CHRNA7: variants seen among roughly 807,000 people sequenced by gnomAD.
CHRNA7 encodes neuronal acetylcholine receptor subunit alpha-7.
A neutral mutation model predicts 48.0 loss-of-function variants in CHRNA7; 17 were observed. The ratio of observed to expected loss-of-function variants is 0.35; its 90% CI spans 0.24 to 0.53. The LOEUF (loss-of-function observed/expected upper bound fraction) is 0.53, where lower values mean the gene tolerates loss of function less well. Ranked by LOEUF, CHRNA7 falls within the 20% of genes least tolerant of loss-of-function variation. The pLI is 0.92. For missense variants in CHRNA7, 155 were observed against 577.7 expected (o/e 0.27, Z 7.50); for synonymous variants, 75 against 242.3 (o/e 0.31, Z 6.41).
chr15:32,059,984 T>C (rs948957204), intron 2 of CHRNA7, among the ~76,000 whole-genome samples: 1 of 140,562 alleles, frequency 7.1e-6, no homozygotes, highest in African/African-American at 2.7e-5. Context: ...AGTGTTTTCA[T>C]GTATGCAAGG....
intron 2 of CHRNA7, among the ~76,000 whole-genome samples, chr15:32,085,503 G>C (rs1514250): frequency 0.81 from 122,722 of 152,184 alleles, 50,849 homozygotes; most frequent in Non-Finnish European, 0.91. Flanking sequence ...CAGTTGAATA[G>C]CATCTTAGAT....
chr15:32,112,356 G>A (rs1281846892), intron 4 of CHRNA7: 1 of 457,216 alleles, frequency 2.2e-6, no homozygotes, highest in Admixed American at 2.3e-5. Flanking sequence ...TGGCAGAGAT[G>A]GCTGCAGGTG....
chr15:32,107,576 A>G (rs1466410886), intron 3 of CHRNA7, among the ~76,000 whole-genome samples: 1 of 152,144 alleles, frequency 6.6e-6, no homozygotes, highest in Non-Finnish European at 1.5e-5. Flanking sequence ...ACTCGGGAAG[A>G]GAAAAACCCA....
chr15:32,152,551 C>T (rs998799302), intron 4 of CHRNA7, among the ~76,000 whole-genome samples: 46 of 152,188 alleles, frequency 3.0e-4, no homozygotes, highest in African/African-American at 1.1e-3. Flanking sequence ...TTCATTGTGG[C>T]TTCTGCAGGA....
At chr15:32,061,683 C>T (rs768862461) in intron 2 of CHRNA7, among the ~76,000 whole-genome samples, 14 of 152,118 alleles carry the variant, frequency 9.2e-5, no homozygotes, top group Non-Finnish European at 1.8e-4. Flanking sequence ...TGGCAGGTGC[C>T]TGTAGTCCCA....
intron 2 of CHRNA7, among the ~76,000 whole-genome samples, chr15:32,071,601 A>G (rs567453706): frequency 6.6e-5 from 10 of 152,250 alleles, no homozygotes; most frequent in African/African-American, 1.9e-4. Context: ...CAGATCCCTC[A>G]TGAATGGCTT....
At chr15:32,032,438 C>T (rs1219096197) in intron 2 of CHRNA7, among the ~76,000 whole-genome samples, 1 of 151,914 alleles carries the variant, frequency 6.6e-6, no homozygotes, top group African/African-American at 2.4e-5. Context: ...CTTGGCTTTC[C>T]GGCTAATAAA....
At chr15:32,151,097 G>A (rs2051619242) in intron 4 of CHRNA7, among the ~76,000 whole-genome samples, 1 of 151,240 alleles carries the variant, frequency 6.6e-6, no homozygotes, top group Non-Finnish European at 1.5e-5. Flanking sequence ...TCAAATCACG[G>A]CTTTCTCATA....
intron 2 of CHRNA7, among the ~76,000 whole-genome samples, chr15:32,070,690 TTTTTTTTTTTTTTTG>T (rs1336688836): frequency 9.5e-6 from 1 of 105,758 alleles, no homozygotes; most frequent in African/African-American, 3.9e-5. Context: ...TTTTTTTTTT[TTTTTTTTTTTTTTTG>T]AGACGGAGTC....
intron 4 of CHRNA7, among the ~76,000 whole-genome samples, chr15:32,118,674 G>C (rs541110715): frequency 3.9e-5 from 6 of 152,264 alleles, no homozygotes; most frequent in African/African-American, 1.2e-4. Context: ...TTTAGTGAAG[G>C]CTCCCTCAGC....
intron 4 of CHRNA7, among the ~76,000 whole-genome samples, chr15:32,123,321 A>G (rs1314913284): frequency 1.3e-5 from 2 of 152,234 alleles, no homozygotes; most frequent in Non-Finnish European, 2.9e-5. Context: ...GTAAATATGT[A>G]TGTTAAATAT....
chr15:32,044,005 G>C (rs973745842), intron 2 of CHRNA7, among the ~76,000 whole-genome samples: 1 of 152,112 alleles, frequency 6.6e-6, no homozygotes, highest in African/African-American at 2.4e-5. Context: ...TTACCCTAGT[G>C]TTTTCTGACT....
chr15:32,067,895 A>T (rs1181858798), intron 2 of CHRNA7, among the ~76,000 whole-genome samples: 1 of 152,228 alleles, frequency 6.6e-6, no homozygotes, highest in Non-Finnish European at 1.5e-5. Context: ...AAGTAAGTGA[A>T]GTGACAAGGA....
chr15:32,108,725 C>T (rs1055868349), intron 3 of CHRNA7, among the ~76,000 whole-genome samples: 1 of 152,156 alleles, frequency 6.6e-6, no homozygotes, highest in Non-Finnish European at 1.5e-5. Flanking sequence ...CCAAGTCCAG[C>T]AGGATTTTGT....
intron 2 of CHRNA7, among the ~76,000 whole-genome samples, chr15:32,088,249 A>G (rs2050329780): frequency 6.6e-6 from 1 of 152,184 alleles, no homozygotes; most frequent in South Asian, 2.1e-4. Flanking sequence ...AATCACCTAT[A>G]TCTTTCATGG....
chr15:32,091,562 A>G (rs905406572), intron 2 of CHRNA7, among the ~76,000 whole-genome samples: 1 of 152,178 alleles, frequency 6.6e-6, no homozygotes, highest in African/African-American at 2.4e-5. Flanking sequence ...CTGGTTCTCC[A>G]CTTTCAGCCC....
chr15:32,047,110 C>T (rs1174345550), intron 2 of CHRNA7, among the ~76,000 whole-genome samples: 1 of 144,064 alleles, frequency 6.9e-6, no homozygotes, highest in African/African-American at 2.7e-5. Flanking sequence ...AGCGTGATGC[C>T]TCCAGCTTTG....
At chr15:32,053,152 A>G (rs1282597962) in intron 2 of CHRNA7, among the ~76,000 whole-genome samples, 2 of 152,204 alleles carry the variant, frequency 1.3e-5, no homozygotes, top group East Asian at 1.9e-4. Flanking sequence ...AATTCTTTTA[A>G]TCTGTATAGA....
At chr15:32,050,052 G>A (rs1446425990) in intron 2 of CHRNA7, among the ~76,000 whole-genome samples, 4 of 152,168 alleles carry the variant, frequency 2.6e-5, no homozygotes, top group Non-Finnish European at 5.9e-5. Context: ...TGGGTAACCC[G>A]ACCTTTCTCT....
Sources: gnomAD v4.1 joint callset for allele counts (sites outside exome capture counted in the v4.1 genomes callset) on GRCh38, gnomAD v4.1.1 for gene constraint, MANE v1.5 for transcripts, NCBI Gene and HGNC (gene_info 2026-07-23, HGNC 2026-07-21) for gene names.